The following ZNF138 variants were observed in gnomAD, a reference collection of about 807,000 sequenced individuals.
The protein encoded by ZNF138 is zinc finger protein 138.
ZNF138 carries 33 observed loss-of-function variants against 33.0 expected under a neutral mutation model. That is an observed-to-expected ratio of 1.00 (90% CI 0.76 to 1.34). The LOEUF (loss-of-function observed/expected upper bound fraction) is 1.34. ZNF138 is among the 40% of genes most tolerant of loss of function. ZNF138 has a pLI of 0.00. For synonymous variants in ZNF138, 139 were observed against 120.4 expected (o/e 1.15, Z -1.01); for missense variants, 360 against 370.8 (o/e 0.97, Z 0.24).
chr7:64,825,329 G>C (rs1364047795), intron 3 of ZNF138, among the ~76,000 whole-genome samples: 3 of 149,180 alleles, frequency 2.0e-5, no homozygotes, highest in Non-Finnish European at 3.0e-5. Context: ...CCCGCCAACA[G>C]GGCCGGCTAA....
intron 3 of ZNF138, among the ~76,000 whole-genome samples, chr7:64,828,431 T>A (rs1460474362): frequency 1.3e-5 from 2 of 152,158 alleles, no homozygotes; most frequent in African/African-American, 2.4e-5. Context: ...CTTAATACAA[T>A]CTTTTCCATG....
chr7:64,826,377 T>A (rs1459732394), intron 3 of ZNF138, among the ~76,000 whole-genome samples: 1 of 152,130 alleles, frequency 6.6e-6, no homozygotes, highest in Non-Finnish European at 1.5e-5. Context: ...CCTCCCGGGT[T>A]CAAGCGATTC....
intron 1 of ZNF138, among the ~76,000 whole-genome samples, chr7:64,809,010 C>A (rs994814653): frequency 1.5e-5 from 2 of 131,252 alleles, no homozygotes; most frequent in African/African-American, 5.4e-5. Flanking sequence ...GGCAACCATC[C>A]GATTTCTCAA....
At chr7:64,804,762 CAG>C (rs1467522073) in intron 1 of ZNF138, among the ~76,000 whole-genome samples, 1 of 152,118 alleles carries the variant, frequency 6.6e-6, no homozygotes, top group Non-Finnish European at 1.5e-5. Context: ...GCCTGGGTGA[CAG>C]AGTGAGACTC....
At chr7:64,805,668 C>T (rs530347544) in intron 1 of ZNF138, among the ~76,000 whole-genome samples, 101 of 152,320 alleles carry the variant, frequency 6.6e-4, no homozygotes, top group African/African-American at 2.3e-3. Flanking sequence ...AGCAGGAGTG[C>T]TGTAGCCCAG....
At chr7:64,825,266 G>A (rs1174685186) in intron 3 of ZNF138, among the ~76,000 whole-genome samples, 6 of 130,746 alleles carry the variant, frequency 4.6e-5, no homozygotes, top group African/African-American at 1.1e-4. Context: ...TCTGCCTCCC[G>A]GGTTCACGCC....
the ZNF138 span, among the ~76,000 whole-genome samples, chr7:64,853,984 C>CAG: frequency 9.2e-3 from 1,400 of 151,570 alleles, 16 homozygotes; most frequent in African/African-American, 0.032. Flanking sequence ...GCCTGGGTAA[C>CAG]AGCAAGGCTC....
intron 1 of ZNF138, among the ~76,000 whole-genome samples, chr7:64,804,226 A>C (rs1787389252): frequency 6.6e-6 from 1 of 152,176 alleles, no homozygotes; most frequent in South Asian, 2.1e-4. Flanking sequence ...CCCCTGACCT[A>C]ATTGGCTATG....
At chr7:64,795,696 T>A (rs967293865) in intron 1 of ZNF138, among the ~76,000 whole-genome samples, 19 of 149,440 alleles carry the variant, frequency 1.3e-4, no homozygotes, top group African/African-American at 3.2e-4. Context: ...TTTTTTTTTT[T>A]AAATCTTCCC....
chr7:64,858,794 A>G, the ZNF138 span, among the ~76,000 whole-genome samples: 2 of 152,198 alleles, frequency 1.3e-5, no homozygotes, highest in African/African-American at 4.8e-5. Flanking sequence ...TTCAGGTTCA[A>G]TAAGCTTTTT....
Position 64,832,306 on chromosome 7 carries a change from TA to T in ZNF138, c.*106del. 1 of 1,581,730 alleles carries T rather than the reference TA, an allele frequency of 6.3e-7. No homozygotes were observed. The highest frequency in any genetic ancestry group is 8.6e-7 in the Non-Finnish European group (1 of 1,166,284). On this transcript the variant is annotated 3_prime_UTR_variant, in exon 4 of 4. Coordinates refer to ENST00000307355, the MANE Select transcript of ZNF138 (RefSeq NM_001271639.2). Reference sequence around the variant, plus strand: ...TTTTCAACCCTTATTACACATAAGATAATTCATAGCGGAGAGAAACCCCACA... The same window carrying T: ...TTTTCAACCCTTATTACACATAAGATATTCATAGCGGAGAGAAACCCCACA...
intron 3 of ZNF138, among the ~76,000 whole-genome samples, chr7:64,823,088 C>G (rs1369668148): frequency 6.6e-6 from 1 of 151,944 alleles, no homozygotes; most frequent in Non-Finnish European, 1.5e-5. Context: ...CCATGTTGGT[C>G]AGGCTGGTCT....
In ZNF138 at chr7:64,827,456, G is replaced by A. The variant is rs1395682502; in HGVS notation, c.209-3995G>A. 2.6e-5 allele frequency among the ~76,000 whole-genome samples: 4 copies of A among 151,300 alleles called. No individual in the cohort carries two copies. In the East Asian group the frequency reaches 7.9e-4, roughly 30 times the overall value. ...AGACAGGGTTTCACCGTGTTAGCCA[G>A]GATGGTCTCGATCTCCTGACCTCGT... On this transcript the variant is annotated intron_variant, in intron 3 of 3. Transcript: ENST00000307355.
chr7:64,808,178 C>G (rs144394132), intron 1 of ZNF138, among the ~76,000 whole-genome samples: 2,471 of 152,282 alleles, frequency 0.016, 38 homozygotes, highest in South Asian at 0.078. Context: ...GTGGTTAATT[C>G]TGCGTCTGTC....
At chr7:64,827,985 A>G (rs1789778001) in intron 3 of ZNF138, among the ~76,000 whole-genome samples, 2 of 152,144 alleles carry the variant, frequency 1.3e-5, no homozygotes, top group Non-Finnish European at 1.5e-5. Flanking sequence ...GTTTGCCTCT[A>G]TGAATATTAT....
In ZNF138 at chr7:64,830,859, T is replaced by A; in HGVS notation, c.209-592T>A. On this transcript the variant is annotated intron_variant, in intron 3 of 3. Transcript: ENST00000307355. ...TTAGGATGTGTCAGGTCTGAAATTT[T>A]TTAGGGTTTTTTTAGTTCATTCTTG... is the stretch of plus-strand genomic sequence containing the variant. 12 of 1,417,034 alleles carry A rather than the reference T, an allele frequency of 8.5e-6. No individual in the cohort carries two copies. The South Asian group carries it at 1.9e-4, about 23-fold the overall frequency. 87.8% of individuals were successfully genotyped at this position (1,417,034 alleles called of 1,614,324 possible).
rs139555092 is a variant in ZNF138, at chr7:64,833,460, G to A, written c.*1258G>A. The A allele has an allele frequency of 3.6e-3, 572 of 159,188 alleles. 4 individuals are homozygous for A. Among genetic ancestry groups the A allele is most frequent in the African/African-American group, 0.013 (536 of 41,580 alleles). The allele number at this position is 159,188 out of a possible 1,614,324, so 9.9% of individuals were successfully genotyped here. On this transcript the variant is annotated 3_prime_UTR_variant, in exon 4 of 4. Coordinates refer to ENST00000307355, the MANE Select transcript of ZNF138 (RefSeq NM_001271639.2). The stretch of plus-strand genomic sequence containing the variant: ...TAAATGGTTGTCACACTTGATTGTA[G>A]GTAAGATAATTCATACTGGCAGAAA...
chr7:64,860,357 A>G, the ZNF138 span, among the ~76,000 whole-genome samples: 1 of 152,178 alleles, frequency 6.6e-6, no homozygotes, highest in Non-Finnish European at 1.5e-5. Context: ...TATTCTGTGC[A>G]ATTAATCACT....
At chr7:64,823,042 G>A (rs1052973553) in intron 3 of ZNF138, among the ~76,000 whole-genome samples, 12 of 151,076 alleles carry the variant, frequency 7.9e-5, no homozygotes, top group Middle Eastern at 3.2e-3. Context: ...CACCACGCCC[G>A]TCTAATTTTG....
Sources: allele counts gnomAD v4.1 joint callset (sites outside exome capture counted in the v4.1 genomes callset), GRCh38; gene constraint gnomAD v4.1.1; transcripts MANE v1.5; gene names NCBI Gene and HGNC (gene_info 2026-07-23, HGNC 2026-07-21).